NPAS3: variants seen among roughly 807,000 people sequenced by gnomAD.
NPAS3 encodes the protein neuronal PAS domain-containing protein 3.
Under a neutral mutation model 73.1 loss-of-function variants are expected in NPAS3, and 14 were observed. That is an observed-to-expected ratio of 0.19 (90% CI 0.13 to 0.30). The LOEUF (loss-of-function observed/expected upper bound fraction) is 0.30. Among genes scored for constraint, NPAS3 ranks in the 10% least tolerant of loss-of-function variants. NPAS3 has a pLI of 1.00. For missense variants in NPAS3, 1,096 were observed against 1,250.0 expected, an observed-to-expected ratio of 0.88 and a Z score of 1.86; for synonymous variants, 620 against 541.5, an observed-to-expected ratio of 1.14 and a Z score of -2.01.
chr14:33,150,084 G>C (rs973001255), intron 2 of NPAS3, among the ~76,000 whole-genome samples: 1 of 152,080 alleles, frequency 6.6e-6, no homozygotes, highest in Non-Finnish European at 1.5e-5. Context: ...ATGGTTTCCA[G>C]CTTCATCCAT....
rs117896167 is a variant in NPAS3, at chr14:33,190,691, T to C, written c.141-24491T>C. On this transcript the variant is annotated intron_variant, in intron 2 of 11. Coordinates refer to ENST00000356141, the Ensembl canonical transcript of NPAS3. ...TCCTAGTCATACCAGAAGACACATC[T>C]GTGGGACTGTATGTCTCTGCTGCAT... is the stretch of plus-strand genomic sequence containing the variant. Among the ~76,000 whole-genome samples the C allele has an allele frequency of 2.4e-3, 372 of 152,286 alleles. 4 individuals carry two copies. Among genetic ancestry groups the C allele is most frequent in the East Asian group, 0.018 (95 of 5,174 alleles).
chr14:33,263,721 A>C (rs1321286327), intron 3 of NPAS3, among the ~76,000 whole-genome samples: 1 of 152,088 alleles, frequency 6.6e-6, no homozygotes. Flanking sequence ...TAGTATGGCC[A>C]TTTTCATGAT....
intron 5 of NPAS3, among the ~76,000 whole-genome samples, chr14:33,573,790 G>A (rs1476906447): frequency 2.0e-5 from 3 of 152,008 alleles, no homozygotes; most frequent in African/African-American, 7.3e-5. Flanking sequence ...AATTAATTTT[G>A]GCTAAAAAGA....
At chr14:33,201,679 C>T (rs1263672150) in intron 2 of NPAS3, among the ~76,000 whole-genome samples, 2 of 152,184 alleles carry the variant, frequency 1.3e-5, no homozygotes, top group Non-Finnish European at 2.9e-5. Context: ...AATGTTCAAT[C>T]ATGTAGTACA....
chr14:33,750,215 CT>C (rs528359092), intron 7 of NPAS3, among the ~76,000 whole-genome samples: 12,835 of 144,662 alleles, frequency 0.089, 988 homozygotes, highest in African/African-American at 0.21. Flanking sequence ...TCAGCTATTC[CT>C]TTTTTTTTTT....
intron 5 of NPAS3, among the ~76,000 whole-genome samples, chr14:33,601,485 G>A (rs1878076257): frequency 6.6e-6 from 1 of 152,170 alleles, no homozygotes; most frequent in African/African-American, 2.4e-5. Context: ...AGAGGACATA[G>A]GTAGTCCTAG....
At chr14:33,218,863 G>C (rs1368550558) in intron 3 of NPAS3, among the ~76,000 whole-genome samples, 1 of 152,122 alleles carries the variant, frequency 6.6e-6, no homozygotes, top group Admixed American at 6.5e-5. Flanking sequence ...AGTCCATAAA[G>C]GTTGATGAGT....
At chr14:33,377,596 T>C (rs1280685642) in intron 4 of NPAS3, among the ~76,000 whole-genome samples, 2 of 152,218 alleles carry the variant, frequency 1.3e-5, no homozygotes, top group Non-Finnish European at 2.9e-5. Context: ...ATATGGCAGA[T>C]ACGTATCCAC....
rs766280068 is a variant in NPAS3, at chr14:33,055,959, A to C, written c.105A>C (p.Arg35Ser). 1.2e-4 allele frequency: 99 copies of C among 810,268 alleles called. 1 individual carries two copies. Among genetic ancestry groups the C allele is most frequent in the South Asian group, 9.8e-4 (68 of 69,512 alleles). 50.2% of individuals were successfully genotyped at this position (810,268 alleles called of 1,614,324 possible). ...AATCAGAATGTAGGAAAATCTACAG[A>C]TATGACGGAATCTACTGTGAATCTA... Residue 35 changes from arginine to serine, a missense_variant, in exon 2 of 12, where the codon AGA becomes AGC. Arg to Ser is a moderately radical substitution (Grantham distance 110, BLOSUM62 -1). Coordinates refer to ENST00000356141, the Ensembl canonical transcript of NPAS3.
intron 5 of NPAS3, among the ~76,000 whole-genome samples, chr14:33,627,387 T>G (rs1254640159): frequency 1.3e-5 from 2 of 152,138 alleles, no homozygotes; most frequent in East Asian, 3.9e-4. Context: ...GGGTCCTAGC[T>G]AAAATACTCT....
At chr14:33,403,760 T>C (rs1316309574) in intron 4 of NPAS3, among the ~76,000 whole-genome samples, 1 of 152,122 alleles carries the variant, frequency 6.6e-6, no homozygotes, top group Non-Finnish European at 1.5e-5. Context: ...TGAACTATTA[T>C]TGTGGCCCAC....
Position 33,738,527 on chromosome 14 carries a change from A to C in NPAS3, c.852+3195A>C, listed in dbSNP as rs78050250. On this transcript the variant is annotated intron_variant, in intron 7 of 11. Coordinates refer to ENST00000356141, the Ensembl canonical transcript of NPAS3. The stretch of plus-strand genomic sequence containing the variant: ...AGATGTACTTCTTTTCCAGGACTCC[A>C]TGCCTACTCACATTCCCCATCACCA... Among the ~76,000 whole-genome samples, 1,305 of 152,242 alleles carry C rather than the reference A, an allele frequency of 8.6e-3. 9 individuals carry two copies. Among genetic ancestry groups the C allele is most frequent in the Admixed American group, 0.02 (308 of 15,278 alleles).
At chr14:33,366,155 A>G (rs1307197087) in intron 3 of NPAS3, among the ~76,000 whole-genome samples, 1 of 152,086 alleles carries the variant, frequency 6.6e-6, no homozygotes, top group Non-Finnish European at 1.5e-5. Flanking sequence ...TCTTTTGTCT[A>G]TAAATTTGTT....
At chr14:33,186,536 A>G (rs1227939709) in intron 2 of NPAS3, among the ~76,000 whole-genome samples, 1 of 152,160 alleles carries the variant, frequency 6.6e-6, no homozygotes. Context: ...GACCACTGCC[A>G]TGTCATGATG....
At position 33,040,303 on chromosome 14, in the gene NPAS3, T is replaced by C. The variant is rs1159692347; in HGVS notation, c.51-15602T>C. 3.3e-5 allele frequency among the ~76,000 whole-genome samples: 5 copies of C among 152,214 alleles called. No individual in the cohort carries two copies. The South Asian group carries it at 6.2e-4, about 19-fold the overall frequency. On this transcript the variant is annotated intron_variant, in intron 1 of 11. Coordinates refer to ENST00000356141, the Ensembl canonical transcript of NPAS3. ...TTTTTAAGTATACTAAGAAAACAAC[T>C]GTATACTTAGCTGACTTGCTTTACT...
At chr14:33,193,245 A>C (rs558124596) in intron 2 of NPAS3, among the ~76,000 whole-genome samples, 3 of 148,258 alleles carry the variant, frequency 2.0e-5, no homozygotes, top group African/African-American at 7.5e-5. Context: ...TTATTTAACT[A>C]TAGATTGGTT....
At chr14:33,601,956 G>A (rs142509265) in intron 5 of NPAS3, among the ~76,000 whole-genome samples, 239 of 152,270 alleles carry the variant, frequency 1.6e-3, no homozygotes, top group African/African-American at 5.5e-3. Context: ...CTAGAGATCT[G>A]GTAATGAAGG....
At chr14:33,307,925 G>T (rs1047555581) in intron 3 of NPAS3, among the ~76,000 whole-genome samples, 1 of 152,130 alleles carries the variant, frequency 6.6e-6, no homozygotes, top group Admixed American at 6.5e-5. Context: ...GCCTTCCGTT[G>T]TTGGAACACT....
At chr14:33,113,276 G>A (rs1345484272) in intron 2 of NPAS3, among the ~76,000 whole-genome samples, 18 of 152,210 alleles carry the variant, frequency 1.2e-4, no homozygotes, top group African/African-American at 4.1e-4. Context: ...CCATTTTCAT[G>A]ATATTGATTC....
Sources: allele counts gnomAD v4.1 joint callset (sites outside exome capture counted in the v4.1 genomes callset), GRCh38; gene constraint gnomAD v4.1.1; transcripts MANE v1.5; gene names NCBI Gene and HGNC (gene_info 2026-07-23, HGNC 2026-07-21).